The following MAPKAP1 variants were observed in gnomAD, a reference collection of about 807,000 sequenced individuals.
MAPKAP1 encodes the protein MAPK associated protein 1.
A neutral mutation model predicts 65.7 loss-of-function variants in MAPKAP1; 20 were observed. That is an observed-to-expected ratio of 0.30 (90% CI 0.21 to 0.44). The LOEUF (loss-of-function observed/expected upper bound fraction) is 0.44. Among genes scored for constraint, MAPKAP1 ranks in the 20% least tolerant of loss-of-function variants. MAPKAP1 has a pLI of 1.00. For synonymous variants in MAPKAP1, 222 were observed against 244.3 expected (o/e 0.91, Z 0.85); for missense variants, 423 against 648.0 (o/e 0.65, Z 3.77).
intron 4 of MAPKAP1, among the ~76,000 whole-genome samples, chr9:125,587,894 A>G (rs950786072): frequency 6.6e-6 from 1 of 152,326 alleles, no homozygotes; most frequent in East Asian, 1.9e-4. Flanking sequence ...ACTCCAAACA[A>G]CAACCCAAAA....
At chr9:125,543,265 G>GT (rs1830310054) in intron 6 of MAPKAP1, 97 bp from the exon 7 acceptor site, 5 of 892,584 alleles carry the variant, frequency 5.6e-6, no homozygotes, top group Non-Finnish European at 7.2e-6. Context: ...TTTTGTTGTT[G>GT]TTTGTTTTGT....
At chr9:125,559,611 A>G (rs1389936447) in intron 6 of MAPKAP1, 22 bp downstream of exon 6, 2 of 1,585,908 alleles carry the variant, frequency 1.3e-6, no homozygotes, top group South Asian at 2.3e-5. Context: ...ATACCGAGAG[A>G]AGTAATAGAG....
At chr9:125,601,260 A>G (rs1832291425) in intron 4 of MAPKAP1, among the ~76,000 whole-genome samples, 1 of 152,220 alleles carries the variant, frequency 6.6e-6, no homozygotes, top group Non-Finnish European at 1.5e-5. Flanking sequence ...TTTCAAAGAT[A>G]GCGAAGTATT....
intron 5 of MAPKAP1, among the ~76,000 whole-genome samples, chr9:125,577,250 C>T (rs2131555587): frequency 1.3e-5 from 2 of 151,834 alleles, no homozygotes; most frequent in South Asian, 4.2e-4. Flanking sequence ...TGGCAACCGC[C>T]CCGTCTGAGA....
Position 125,498,743 on chromosome 9 carries a change from A to C in MAPKAP1, c.1066+7567T>G, listed in dbSNP as rs1463975869. Among the ~76,000 whole-genome samples, 4 of 152,192 alleles carry C rather than the reference A, an allele frequency of 2.6e-5. No individual in the cohort carries two copies. The South Asian group carries it at 6.2e-4, about 24-fold the overall frequency. On this transcript the variant is annotated intron_variant, in intron 8 of 11. Transcript: ENST00000265960. ...ATAAAGCGTATATCCATTCTGGGACACCAAAAAATATTTGCTGGGAGGTAC... is the reference window on the plus strand; with the variant it reads ...ATAAAGCGTATATCCATTCTGGGACCCCAAAAAATATTTGCTGGGAGGTAC...
At chr9:125,557,709 ACTTTT>A (rs1441841451) in intron 6 of MAPKAP1, among the ~76,000 whole-genome samples, 2 of 150,552 alleles carry the variant, frequency 1.3e-5, no homozygotes, top group Non-Finnish European at 2.9e-5. Context: ...CAACCCATAC[ACTTTT>A]CTTTTATACT....
intron 6 of MAPKAP1, among the ~76,000 whole-genome samples, chr9:125,553,441 C>A (rs1387161158): frequency 6.6e-6 from 1 of 151,966 alleles, no homozygotes; most frequent in African/African-American, 2.4e-5. Context: ...ACTCGGGAGG[C>A]TGAGGCAGGA....
At chr9:125,521,568 G>C (rs1829618480) in intron 7 of MAPKAP1, 18 of 1,396,912 alleles carry the variant, frequency 1.3e-5, no homozygotes, top group Non-Finnish European at 1.5e-5. Context: ...CTGGTTGATG[G>C]GGATCCAGGG....
At chr9:125,610,751 A>G (rs1439788948) in intron 4 of MAPKAP1, among the ~76,000 whole-genome samples, 1 of 152,226 alleles carries the variant, frequency 6.6e-6, no homozygotes, top group African/African-American at 2.4e-5. Flanking sequence ...TATTTGATGG[A>G]CCAGAAAGAT....
chr9:125,691,644 TA>T (rs1165823632), intron 1 of MAPKAP1, among the ~76,000 whole-genome samples: 1 of 151,952 alleles, frequency 6.6e-6, no homozygotes, highest in Non-Finnish European at 1.5e-5. Flanking sequence ...CAGCAATAGT[TA>T]AAGGGTAGCC....
intron 6 of MAPKAP1, among the ~76,000 whole-genome samples, chr9:125,554,682 G>C (rs1227799784): frequency 6.6e-6 from 1 of 150,888 alleles, no homozygotes; most frequent in African/African-American, 2.4e-5. Flanking sequence ...TGTAGTTCCA[G>C]CTACTTGGGA....
chr9:125,703,708 G>T (rs1456869810), intron 1 of MAPKAP1, among the ~76,000 whole-genome samples: 1 of 150,768 alleles, frequency 6.6e-6, no homozygotes, highest in East Asian at 1.9e-4. Flanking sequence ...GGAGGCAGAG[G>T]TTGCAGTCAG....
intron 6 of MAPKAP1, among the ~76,000 whole-genome samples, chr9:125,547,342 T>C (rs527969): frequency 0.9 from 136,610 of 152,148 alleles, 62,098 homozygotes; most frequent in East Asian, 1. Context: ...GGCAGCATAC[T>C]GGAGAGGAAA....
At chr9:125,697,443 A>T (rs1835419201) in intron 1 of MAPKAP1, among the ~76,000 whole-genome samples, 1 of 152,220 alleles carries the variant, frequency 6.6e-6, no homozygotes, top group East Asian at 1.9e-4. Context: ...TACATGTTTG[A>T]CATAATTGGG....
chr9:125,543,283 T>C (rs1244467550), intron 6 of MAPKAP1, 115 bp from the exon 7 acceptor site: 1 of 765,370 alleles, frequency 1.3e-6, no homozygotes, highest in Non-Finnish European at 2.2e-6. Flanking sequence ...TGTTTTGTTT[T>C]TGAAATGGAG....
chr9:125,609,694 C>T (rs1832545200), intron 4 of MAPKAP1, among the ~76,000 whole-genome samples: 1 of 152,090 alleles, frequency 6.6e-6, no homozygotes, highest in Admixed American at 6.6e-5. Flanking sequence ...GTGCCTTTCT[C>T]GTTTTTCTCT....
At chr9:125,658,273 T>C (rs1194837325) in intron 3 of MAPKAP1, among the ~76,000 whole-genome samples, 1 of 152,192 alleles carries the variant, frequency 6.6e-6, no homozygotes, top group Non-Finnish European at 1.5e-5. Flanking sequence ...CACTCTCCAG[T>C]TGCACCTTGT....
At chr9:125,501,170 G>A (rs371264862) in intron 8 of MAPKAP1, among the ~76,000 whole-genome samples, 5 of 152,242 alleles carry the variant, frequency 3.3e-5, no homozygotes, top group Non-Finnish European at 5.9e-5. Context: ...AGAAACTCTG[G>A]AACGAACAAA....
At chr9:125,535,686 T>C (rs1210770164) in intron 7 of MAPKAP1, among the ~76,000 whole-genome samples, 1 of 152,232 alleles carries the variant, frequency 6.6e-6, no homozygotes, top group Non-Finnish European at 1.5e-5. Context: ...AATTCTGAGA[T>C]AGATTTTCAT....
Sources: allele counts gnomAD v4.1 joint callset (sites outside exome capture counted in the v4.1 genomes callset), GRCh38; gene constraint gnomAD v4.1.1; transcripts MANE v1.5; gene names NCBI Gene and HGNC (gene_info 2026-07-23, HGNC 2026-07-21).